UBE2E2: variants seen among roughly 807,000 people sequenced by gnomAD.
UBE2E2 encodes ubiquitin conjugating enzyme E2 E2.
A neutral mutation model predicts 24.7 loss-of-function variants in UBE2E2; 6 were observed. That is an observed-to-expected ratio of 0.24 (90% CI 0.13 to 0.48). The LOEUF is 0.48. Among genes scored for constraint, UBE2E2 ranks in the 20% least tolerant of loss-of-function variants. UBE2E2 has a pLI of 0.99. For synonymous variants in UBE2E2, 104 were observed against 83.6 expected (o/e 1.24, Z -1.33); for missense variants, 169 against 245.0 (o/e 0.69, Z 2.07).
At chr3:23,413,490 C>T (rs1282878748) in intron 3 of UBE2E2, among the ~76,000 whole-genome samples, 1 of 152,120 alleles carries the variant, frequency 6.6e-6, no homozygotes, top group Non-Finnish European at 1.5e-5. Context: ...TGCAGTGCCC[C>T]AGCCAGTCTG....
At chr3:23,420,942 GT>G (rs1697782001) in intron 3 of UBE2E2, among the ~76,000 whole-genome samples, 1 of 152,224 alleles carries the variant, frequency 6.6e-6, no homozygotes, top group African/African-American at 2.4e-5. Context: ...ATAAGGTAAT[GT>G]GAATCATGTA....
rs193000187 is a variant in UBE2E2 at position 23,279,989 on chromosome 3, A to G, written c.227+62677A>G. 4.2e-4 allele frequency among the ~76,000 whole-genome samples: 64 copies of G among 152,324 alleles called. 2 individuals are homozygous for G. In the South Asian group the frequency reaches 0.01, roughly 25 times the overall value. ...CAGTTACCTTTGTTACCATTCACCA[A>G]TGCTTAAGATCAATTAATAGTAGAC... On this transcript the variant is annotated intron_variant, in intron 3 of 5. Coordinates refer to ENST00000396703, the MANE Select transcript of UBE2E2 (RefSeq NM_152653.4).
chr3:23,286,058 C>T (rs765704694), intron 3 of UBE2E2, among the ~76,000 whole-genome samples: 13 of 151,926 alleles, frequency 8.6e-5, no homozygotes, highest in Non-Finnish European at 1.2e-4. Context: ...TGTTTTAGTT[C>T]CTTATATATT....
At chr3:23,426,933 T>C (rs1697940638) in intron 3 of UBE2E2, among the ~76,000 whole-genome samples, 1 of 152,164 alleles carries the variant, frequency 6.6e-6, no homozygotes, top group South Asian at 2.1e-4. Flanking sequence ...CACATATATA[T>C]ATACTTATCT....
At chr3:23,274,186 G>T (rs992063094) in intron 3 of UBE2E2, among the ~76,000 whole-genome samples, 2 of 152,172 alleles carry the variant, frequency 1.3e-5, no homozygotes, top group Non-Finnish European at 2.9e-5. Context: ...ACCAGTGGCA[G>T]TCTGTAAATA....
intron 3 of UBE2E2, among the ~76,000 whole-genome samples, chr3:23,445,841 T>C (rs1273748619): frequency 2.0e-5 from 3 of 152,100 alleles, no homozygotes; most frequent in East Asian, 3.9e-4. Flanking sequence ...CAAATTCTCT[T>C]AGGGCCCTGT....
intron 3 of UBE2E2, among the ~76,000 whole-genome samples, chr3:23,340,772 GA>G (rs1376360799): frequency 2.0e-5 from 3 of 152,130 alleles, no homozygotes; most frequent in Non-Finnish European, 4.4e-5. Context: ...TGTTAACTCT[GA>G]AATACTGAAA....
At chr3:23,360,841 C>G (rs929633393) in intron 3 of UBE2E2, among the ~76,000 whole-genome samples, 3 of 150,104 alleles carry the variant, frequency 2.0e-5, no homozygotes, top group South Asian at 4.3e-4. Context: ...TAAATGGGAC[C>G]TAATTAAACT....
intron 3 of UBE2E2, among the ~76,000 whole-genome samples, chr3:23,221,210 C>T (rs1358894170): frequency 2.0e-5 from 3 of 152,168 alleles, no homozygotes; most frequent in African/African-American, 7.2e-5. Context: ...TGTAGTTATA[C>T]TAGCAGTTTA....
At chr3:23,376,980 A>G (rs1306243011) in intron 3 of UBE2E2, among the ~76,000 whole-genome samples, 1 of 152,172 alleles carries the variant, frequency 6.6e-6, no homozygotes, top group Non-Finnish European at 1.5e-5. Context: ...AATCATTCAC[A>G]TAGCAAACTA....
intron 3 of UBE2E2, among the ~76,000 whole-genome samples, chr3:23,446,698 G>GT (rs1698436642): frequency 1.3e-5 from 1 of 75,436 alleles, no homozygotes; most frequent in African/African-American, 7.2e-5. Flanking sequence ...CCGTCTGTTT[G>GT]GTTTTTTTTT....
At chr3:23,508,743 A>T (rs939079696) in intron 4 of UBE2E2, among the ~76,000 whole-genome samples, 2 of 152,194 alleles carry the variant, frequency 1.3e-5, no homozygotes, top group African/African-American at 4.8e-5. Flanking sequence ...CGCACTCTAA[A>T]TGGAAGTTTG....
chr3:23,575,279 A>G (rs977873897), intron 5 of UBE2E2, among the ~76,000 whole-genome samples: 5 of 152,200 alleles, frequency 3.3e-5, no homozygotes, highest in African/African-American at 1.2e-4. Context: ...AGTCCAAGTG[A>G]TGATGTTATG....
At chr3:23,548,853 A>G (rs1185561556) in intron 5 of UBE2E2, among the ~76,000 whole-genome samples, 3 of 152,184 alleles carry the variant, frequency 2.0e-5, no homozygotes, top group Admixed American at 6.6e-5. Flanking sequence ...TGTTAGACCA[A>G]TATATAATCT....
intron 3 of UBE2E2, among the ~76,000 whole-genome samples, chr3:23,292,865 G>GGGGT (rs1418353581): frequency 2.6e-5 from 4 of 152,178 alleles, no homozygotes; most frequent in Non-Finnish European, 2.9e-5. Context: ...CCTGGGGTCA[G>GGGGT]GGGTTTGAGA....
intron 3 of UBE2E2, among the ~76,000 whole-genome samples, chr3:23,458,990 G>A (rs937517995): frequency 2.0e-5 from 3 of 152,214 alleles, no homozygotes; most frequent in African/African-American, 4.8e-5. Flanking sequence ...CCTATATCAT[G>A]TGTGCATTCT....
chr3:23,518,373 A>G (rs898783905), intron 4 of UBE2E2, among the ~76,000 whole-genome samples: 1 of 152,244 alleles, frequency 6.6e-6, no homozygotes, highest in Non-Finnish European at 1.5e-5. Flanking sequence ...ACCATTAGAT[A>G]CAAATAAAAT....
At chr3:23,402,785 A>G (rs772570308) in intron 3 of UBE2E2, among the ~76,000 whole-genome samples, 2 of 152,218 alleles carry the variant, frequency 1.3e-5, no homozygotes, top group African/African-American at 4.8e-5. Flanking sequence ...GAATGTTGCC[A>G]TCTGATCTAG....
At chr3:23,544,252 T>C (rs191002588) in intron 5 of UBE2E2, among the ~76,000 whole-genome samples, 2 of 152,142 alleles carry the variant, frequency 1.3e-5, no homozygotes, top group East Asian at 3.9e-4. Flanking sequence ...AAAGAAATAA[T>C]CCTCAGAGTA....
Sources: allele counts gnomAD v4.1 joint callset (sites outside exome capture counted in the v4.1 genomes callset), GRCh38; gene constraint gnomAD v4.1.1; transcripts MANE v1.5; gene names NCBI Gene and HGNC (gene_info 2026-07-23, HGNC 2026-07-21).